MYH15: variants seen among roughly 807,000 people sequenced by gnomAD.
MYH15 encodes the protein myosin heavy chain 15.
A neutral mutation model predicts 240.5 loss-of-function variants in MYH15; 227 were observed. That is an observed-to-expected ratio of 0.94 (90% confidence interval 0.85 to 1.05). The LOEUF (loss-of-function observed/expected upper bound fraction) is 1.05, where lower values mean the gene tolerates loss of function less well. Ranked by LOEUF, MYH15 falls within the 50% of genes least tolerant of loss-of-function variation. The pLI, the probability that MYH15 is intolerant of heterozygous loss-of-function variation, is 0.00. For missense variants in MYH15, 2,217 were observed against 2,247.5 expected (o/e 0.99, Z 0.27); for synonymous variants, 785 against 796.7 (o/e 0.99, Z 0.25).
intron 12 of MYH15, among the ~76,000 whole-genome samples, chr3:108,476,169 C>A (rs1433443968): frequency 6.6e-6 from 1 of 152,158 alleles, no homozygotes; most frequent in African/African-American, 2.4e-5. Context: ...AAGATACTTG[C>A]TACCTAAGGG....
At chr3:108,494,317 G>T (rs2083375671) in intron 7 of MYH15, among the ~76,000 whole-genome samples, 1 of 152,096 alleles carries the variant, frequency 6.6e-6, no homozygotes, top group African/African-American at 2.4e-5. Context: ...AGAAGTATAT[G>T]TATACATACC....
chr3:108,529,738 G>A (rs74931336), upstream of MYH15, among the ~76,000 whole-genome samples: 5,540 of 152,240 alleles, frequency 0.036, 337 homozygotes, highest in African/African-American at 0.12. Context: ...ACTGATCCCT[G>A]AAAGAGGGGA....
intron 29 of MYH15, among the ~76,000 whole-genome samples, chr3:108,416,232 A>T (rs796918323): frequency 1.3e-5 from 2 of 152,212 alleles, no homozygotes; most frequent in African/African-American, 4.8e-5. Flanking sequence ...CCTTCATAGT[A>T]TGGTCATGTA....
At position 108,398,685 on chromosome 3, in the gene MYH15, T is replaced by C. The variant is rs2082480885; in HGVS notation, c.5085A>G (p.Glu1695=). The C allele has an allele frequency of 1.2e-6, 2 of 1,613,852 alleles. No homozygotes were observed. Among genetic ancestry groups the C allele is most frequent in the Non-Finnish European group, 8.5e-7 (1 of 1,180,052 alleles). ...EQTERGRRLS[E]EELLEATERI... is the part of the protein sequence containing the mutation. ...TTTCTGTTGCTTCCAGGAGCTCTTC[T>C]TCTGACAGCCTGCGGCCACGCTCTG... The change falls in exon 35 of 41, where the codon GAA becomes GAG. Residue 1695 remains glutamate (E), a synonymous_variant. Transcript: ENST00000693548.
intron 38 of MYH15, 83 bp from the exon 39 acceptor site, chr3:108,384,865 G>T: frequency 8.3e-7 from 1 of 1,211,284 alleles, no homozygotes. Flanking sequence ...GGGAAATAAG[G>T]ATCAGGGAAC....
chr3:108,538,505 T>C, the MYH15 span, among the ~76,000 whole-genome samples: 2 of 152,210 alleles, frequency 1.3e-5, no homozygotes, highest in Non-Finnish European at 2.9e-5. Flanking sequence ...TCAATTATAC[T>C]TAATTGTGAA....
At chr3:108,382,583 T>G (rs927227092) in intron 40 of MYH15, among the ~76,000 whole-genome samples, 1 of 152,160 alleles carries the variant, frequency 6.6e-6, no homozygotes, top group Non-Finnish European at 1.5e-5. Flanking sequence ...GAGTGAACTC[T>G]TTCCATAGTA....
At position 108,398,687 on chromosome 3, in the gene MYH15, C is replaced by T. The variant is rs1560316858; in HGVS notation, c.5083G>A (p.Glu1695Lys). The change falls in exon 35 of 41, where the codon GAA becomes AAA. Residue 1695 changes from glutamate to lysine, a missense_variant. Coordinates refer to ENST00000693548, the MANE Select transcript of MYH15 (RefSeq NM_014981.3). ...TCTGTTGCTTCCAGGAGCTCTTCTT[C>T]TGACAGCCTGCGGCCACGCTCTGTC... ...EQTERGRRLS[E>K]EELLEATERI... The T allele has an allele frequency of 6.2e-7, 1 of 1,613,990 alleles. No homozygotes were observed. Among genetic ancestry groups the T allele is most frequent in the Non-Finnish European group, 8.5e-7 (1 of 1,180,048 alleles).
intron 32 of MYH15, among the ~76,000 whole-genome samples, chr3:108,406,467 C>T (rs557268277): frequency 2.9e-4 from 44 of 152,100 alleles, no homozygotes; most frequent in Non-Finnish European, 5.0e-4. Flanking sequence ...AAATTGCTAA[C>T]GCACACTCAA....
chr3:108,427,324 G>A (rs2082731921), intron 27 of MYH15, among the ~76,000 whole-genome samples: 1 of 152,132 alleles, frequency 6.6e-6, no homozygotes, highest in Non-Finnish European at 1.5e-5. Flanking sequence ...TGTTAGATGG[G>A]GCCTTTAGGA....
the MYH15 span, among the ~76,000 whole-genome samples, chr3:108,537,515 TAA>T: frequency 1.3e-5 from 2 of 152,202 alleles, no homozygotes; most frequent in Non-Finnish European, 2.9e-5. Context: ...TTTACCCATA[TAA>T]AAGAGGCTAG....
chr3:108,432,038 G>T (rs918980761), intron 25 of MYH15, among the ~76,000 whole-genome samples: 2 of 150,760 alleles, frequency 1.3e-5, no homozygotes, highest in Non-Finnish European at 3.0e-5. Flanking sequence ...GATGACTTGG[G>T]TGCTGTTAAA....
At chr3:108,441,636 T>C (rs2082886060) in intron 22 of MYH15, among the ~76,000 whole-genome samples, 1 of 152,224 alleles carries the variant, frequency 6.6e-6, no homozygotes, top group South Asian at 2.1e-4. Flanking sequence ...TGATAACTGC[T>C]CAGGAAATCA....
At chr3:108,386,494 C>G (rs2082385172) in intron 38 of MYH15, among the ~76,000 whole-genome samples, 1 of 152,186 alleles carries the variant, frequency 6.6e-6, no homozygotes, top group Non-Finnish European at 1.5e-5. Context: ...AGCCCCCAGG[C>G]AATAGCTGGG....
chr3:108,384,618 G>T, intron 39 of MYH15, 69 bp downstream of exon 39: 1 of 1,398,964 alleles, frequency 7.1e-7, no homozygotes, highest in South Asian at 1.2e-5. Flanking sequence ...TGAGCTCAGG[G>T]TCACAGATCT....
chr3:108,476,397 C>T lies in MYH15; in HGVS notation c.1233G>A (p.Gln411=). ...TAATGCTCTTGAAATATCACCTTAC[C>T]TGTTCTATAGTTTGACCTCTGGTAA... ...EYVTRGQTIE[Q]VTCAVGALSK... is the part of the protein sequence containing the mutation. The change falls in exon 12 of 41, where the codon CAG becomes CAA. Residue 411 remains glutamine, a splice_region_variant and synonymous_variant. Coordinates refer to ENST00000693548, the MANE Select transcript of MYH15 (RefSeq NM_014981.3). 1 of 1,526,752 alleles carries T rather than the reference C, an allele frequency of 6.5e-7. No homozygotes were observed. Among genetic ancestry groups the T allele is most frequent in the Non-Finnish European group, 9.1e-7 (1 of 1,101,046 alleles). 94.6% of individuals were successfully genotyped at this position (1,526,752 alleles called of 1,614,324 possible).
chr3:108,458,053 A>ATT (rs58914396), intron 18 of MYH15, among the ~76,000 whole-genome samples: 24 of 151,642 alleles, frequency 1.6e-4, no homozygotes, highest in Admixed American at 7.9e-4. Context: ...GTCTCAAATT[A>ATT]TTTTTTTTAA....
chr3:108,454,843 T>C (rs1174318910), intron 20 of MYH15, among the ~76,000 whole-genome samples: 1 of 152,230 alleles, frequency 6.6e-6, no homozygotes. Flanking sequence ...TCAACCTCAC[T>C]TGCCCAACCC....
intron 1 of MYH15, among the ~76,000 whole-genome samples, chr3:108,507,547 A>G (rs1001907176): frequency 6.6e-6 from 1 of 152,160 alleles, no homozygotes; most frequent in Non-Finnish European, 1.5e-5. Context: ...AGGCAATAAG[A>G]CTGGGGAAGG....
Sources: gnomAD v4.1 joint callset for allele counts (sites outside exome capture counted in the v4.1 genomes callset) on GRCh38, gnomAD v4.1.1 for gene constraint, MANE v1.5 for transcripts, NCBI Gene and HGNC (gene_info 2026-07-23, HGNC 2026-07-21) for gene names.